Variants in RFTN1 observed in about 807,000 individuals in gnomAD.
RFTN1 encodes the protein raftlin, lipid raft linker 1, also known as raftlin.
Under a neutral mutation model 46.5 loss-of-function variants are expected in RFTN1, and 26 were observed. The observed-to-expected ratio is 0.56, with a 90% CI of 0.41 to 0.78. RFTN1 has a LOEUF of 0.78. Among genes scored for constraint, RFTN1 ranks in the 30% least tolerant of loss-of-function variants. RFTN1 has a pLI of 0.00. For synonymous variants in RFTN1, 261 were observed against 284.2 expected (o/e 0.92, Z 0.82); for missense variants, 693 against 718.7 (o/e 0.96, Z 0.41).
chr3:16,404,328 A>AAT (rs1421301252), intron 4 of RFTN1, among the ~76,000 whole-genome samples: 3 of 32,632 alleles, frequency 9.2e-5, no homozygotes, highest in African/African-American at 4.4e-4. Flanking sequence ...TATAATATAT[A>AAT]ATATATAATA....
Position 16,466,413 on chromosome 3 carries a change from C to T in RFTN1, c.145+27312G>A, listed in dbSNP as rs565286234. On this transcript the variant is annotated intron_variant, in intron 2 of 9. Transcript: ENST00000334133. This position sits in a 1 kb window ranked among gnomAD's most constrained non-coding sequence, Gnocchi z 5.6. Reference sequence around the variant, plus strand: ...AAATATTGCAAAAATTACCAAATTACGAAGTATGAAGTGACCTCCAACATC... The same window carrying T: ...AAATATTGCAAAAATTACCAAATTATGAAGTATGAAGTGACCTCCAACATC... Among the ~76,000 whole-genome samples, 7 of 152,156 alleles carry T rather than the reference C, an allele frequency of 4.6e-5. No homozygotes were observed. The highest frequency in any genetic ancestry group is 6.5e-5 in the Admixed American group (1 of 15,282).
intron 4 of RFTN1, among the ~76,000 whole-genome samples, chr3:16,397,688 G>A (rs1333153097): frequency 6.6e-6 from 1 of 152,070 alleles, no homozygotes; most frequent in Non-Finnish European, 1.5e-5. Flanking sequence ...TTTTTCCATG[G>A]TTGGTAGGTG....
chr3:16,384,864 G>A lies in RFTN1; in HGVS notation c.442-6762C>T, dbSNP rs1315043244. 2.0e-5 allele frequency among the ~76,000 whole-genome samples: 3 copies of A among 152,152 alleles called. No homozygotes were observed. The highest frequency in any genetic ancestry group is 1.9e-4 in the East Asian group (1 of 5,202). On this transcript the variant is annotated intron_variant, in intron 4 of 9. Transcript: ENST00000334133. This position sits in a 1 kb window ranked among gnomAD's most constrained non-coding sequence, Gnocchi z 4.7. ...AGTGATGACCCCATGGACAGTGCAGGTGTAGAACATATCCATCATCATAGA... is the reference window on the plus strand; with the variant it reads ...AGTGATGACCCCATGGACAGTGCAGATGTAGAACATATCCATCATCATAGA...
At position 16,317,595 on chromosome 3, in the gene RFTN1, G is replaced by A. The variant is rs1330768968; in HGVS notation, c.1333-363C>T. Among the ~76,000 whole-genome samples, 2 of 152,196 alleles carry A rather than the reference G, an allele frequency of 1.3e-5. No individual in the cohort carries two copies. The highest frequency in any genetic ancestry group is 4.8e-5 in the African/African-American group (2 of 41,452). On this transcript the variant is annotated intron_variant, in intron 9 of 9. Transcript: ENST00000334133. The surrounding 1 kb of genome is among the most constrained non-coding windows in gnomAD (Gnocchi z 4.3). Reference sequence around the variant, plus strand: ...GAGATGTGAGGCCTGCCCCCAGTAAGAGCCAGAGCTGCAGCTACTCATTTC... The same window carrying A: ...GAGATGTGAGGCCTGCCCCCAGTAAAAGCCAGAGCTGCAGCTACTCATTTC...
Position 16,512,425 on chromosome 3 carries a change from TAAAAAAGTAC to T in RFTN1, c.-9+1007_-9+1016del, listed in dbSNP as rs1559384584. ...CAGAGATTGAGCCAGACTTTTTTTT[TAAAAAAGTAC>T]TTCTTGTTTGTTTGTTTTAAGCCCC... is the stretch of plus-strand genomic sequence containing the variant. On this transcript the variant is annotated intron_variant, in intron 1 of 9. Transcript: ENST00000334133. This position sits in a 1 kb window ranked among gnomAD's most constrained non-coding sequence, Gnocchi z 4.3. Among the ~76,000 whole-genome samples the T allele has an allele frequency of 6.6e-6, 1 of 150,692 alleles. No homozygotes were observed.
In RFTN1 at chr3:16,384,394, C is replaced by T. The variant is rs952603636; in HGVS notation, c.442-6292G>A. 1.3e-5 allele frequency among the ~76,000 whole-genome samples: 2 copies of T among 152,220 alleles called. No individual in the cohort carries two copies. Among genetic ancestry groups the T allele is most frequent in the African/African-American group, 4.8e-5 (2 of 41,462 alleles). On this transcript the variant is annotated intron_variant, in intron 4 of 9. Transcript: ENST00000334133. The surrounding 1 kb of genome is among the most constrained non-coding windows in gnomAD (Gnocchi z 4.7). ...CTAGGCATGAAATAAAAGTTCGGTA[C>T]AGGCTCCCAAATGACAGTGAGCCCC...
rs1174316303 is a variant in RFTN1, at chr3:16,509,372, A to C, written c.-9+4070T>G. Among the ~76,000 whole-genome samples the C allele has an allele frequency of 6.6e-6, 1 of 152,152 alleles. No homozygotes were observed. The highest frequency in any genetic ancestry group is 1.9e-4 in the East Asian group (1 of 5,202). On this transcript the variant is annotated intron_variant, in intron 1 of 9. Transcript: ENST00000334133. This position sits in a 1 kb window ranked among gnomAD's most constrained non-coding sequence, Gnocchi z 4.9. ...CAGAATGTCACAGTCTCTTCCCTTAAGGTCTTAGAAAAATGAAAACGTGAA... is the reference window on the plus strand; with the variant it reads ...CAGAATGTCACAGTCTCTTCCCTTACGGTCTTAGAAAAATGAAAACGTGAA...
chr3:16,503,726 T>A (rs2076752205), intron 1 of RFTN1, among the ~76,000 whole-genome samples: 1 of 152,092 alleles, frequency 6.6e-6, no homozygotes, highest in South Asian at 2.1e-4. Context: ...CAGACACCCC[T>A]TCCCAGTCTC....
intron 7 of RFTN1, among the ~76,000 whole-genome samples, chr3:16,331,330 A>G (rs1314962344): frequency 6.6e-6 from 1 of 152,236 alleles, no homozygotes; most frequent in East Asian, 1.9e-4. Flanking sequence ...CATGGGAAAT[A>G]AAGGTTTAGT....
At chr3:16,377,668 T>C in intron 5 of RFTN1, 50 bp downstream of exon 5, 1 of 1,527,570 alleles carries the variant, frequency 6.5e-7, no homozygotes, top group Non-Finnish European at 8.8e-7. Context: ...AATGAAAAGC[T>C]GTTAGCTGCT....
intron 6 of RFTN1, among the ~76,000 whole-genome samples, chr3:16,364,375 C>G (rs971478721): frequency 6.6e-6 from 1 of 152,184 alleles, no homozygotes; most frequent in African/African-American, 2.4e-5. Context: ...AAGGGCCAAG[C>G]CAGATCTGAA....
chr3:16,433,370 T>C lies in RFTN1; in HGVS notation c.332+481A>G, dbSNP rs937023794. ...TTTTATTTAGGTGGTGTTTATTTTTTGTATTTTTTTAACTGTCAAGTGATT... is the reference window on the plus strand; with the variant it reads ...TTTTATTTAGGTGGTGTTTATTTTTCGTATTTTTTTAACTGTCAAGTGATT... On this transcript the variant is annotated intron_variant, in intron 3 of 9. Transcript: ENST00000334133. The surrounding 1 kb of genome is among the most constrained non-coding windows in gnomAD (Gnocchi z 4.4). Among the ~76,000 whole-genome samples, 1 of 152,212 alleles carries C rather than the reference T, an allele frequency of 6.6e-6. No individual in the cohort carries two copies. Among genetic ancestry groups the C allele is most frequent in the Non-Finnish European group, 1.5e-5 (1 of 68,032 alleles).
chr3:16,503,688 C>A (rs539169584), intron 1 of RFTN1, among the ~76,000 whole-genome samples: 1 of 152,124 alleles, frequency 6.6e-6, no homozygotes. Flanking sequence ...GTTCCACATC[C>A]CTCAATCTCT....
Position 16,322,682 on chromosome 3 carries a change from A to C in RFTN1, c.1332+694T>G, listed in dbSNP as rs370920831. ...ATCATCTGGCACAAGGGTTGCCGACACTTGCACCTCGTACAGCCCTTGTGC... is the reference window on the plus strand; with the variant it reads ...ATCATCTGGCACAAGGGTTGCCGACCCTTGCACCTCGTACAGCCCTTGTGC... On this transcript the variant is annotated intron_variant, in intron 9 of 9. Transcript: ENST00000334133. This position sits in a 1 kb window ranked among gnomAD's most constrained non-coding sequence, Gnocchi z 6.2. 1.1e-3 allele frequency among the ~76,000 whole-genome samples: 162 copies of C among 152,306 alleles called. 2 individuals are homozygous for C. The highest frequency in any genetic ancestry group is 3.6e-3 in the African/African-American group (150 of 41,572).
chr3:16,357,310 C>T (rs950666484), intron 7 of RFTN1, among the ~76,000 whole-genome samples: 1 of 152,140 alleles, frequency 6.6e-6, no homozygotes, highest in African/African-American at 2.4e-5. Context: ...AGTAAATTAG[C>T]TCCTCCAAAG....
rs1421315352 is a variant in RFTN1 at position 16,410,383 on chromosome 3, T to C, written c.333-900A>G. 1.3e-5 allele frequency among the ~76,000 whole-genome samples: 2 copies of C among 151,936 alleles called. No homozygotes were observed. Among genetic ancestry groups the C allele is most frequent in the South Asian group, 2.1e-4 (1 of 4,806 alleles). On this transcript the variant is annotated intron_variant, in intron 3 of 9. Coordinates refer to ENST00000334133, the MANE Select transcript of RFTN1 (RefSeq NM_015150.2). The surrounding 1 kb of genome is among the most constrained non-coding windows in gnomAD (Gnocchi z 4.6). ...ACCCCTGGGGAATGGGGAAGGCTTA[T>C]GTGGATGGGGATGGGGATGGGTGGT...
At chr3:16,339,539 G>A (rs965917142) in intron 7 of RFTN1, 1 of 152,146 alleles carries the variant, frequency 6.6e-6, no homozygotes, top group African/African-American at 2.4e-5. Context: ...CATAACAGAT[G>A]CGCTGCCGGG....
chr3:16,320,686 G>A lies in RFTN1; in HGVS notation c.1332+2690C>T, dbSNP rs764618498. Among the ~76,000 whole-genome samples, 40 of 152,208 alleles carry A rather than the reference G, an allele frequency of 2.6e-4. No individual in the cohort carries two copies. The highest frequency in any genetic ancestry group is 5.1e-4 in the Non-Finnish European group (35 of 68,038). ...GCACTGTTCTGAGAAAAGGATGCTC[G>A]AGTAGAGCTAGAAAGGAGGAGAATG... On this transcript the variant is annotated intron_variant, in intron 9 of 9. Transcript: ENST00000334133. This position sits in a 1 kb window ranked among gnomAD's most constrained non-coding sequence, Gnocchi z 4.5.
rs1250379541 is a variant in RFTN1, at chr3:16,442,946, A to C, written c.146-8909T>G. On this transcript the variant is annotated intron_variant, in intron 2 of 9. Transcript: ENST00000334133. This position sits in a 1 kb window ranked among gnomAD's most constrained non-coding sequence, Gnocchi z 4.1. The stretch of plus-strand genomic sequence containing the variant: ...TTAAGGCTGAATAATACTCCATTGC[A>C]TATATATACCATAGTTTATTTATCC... 4.6e-5 allele frequency among the ~76,000 whole-genome samples: 7 copies of C among 152,186 alleles called. No homozygotes were observed. The highest frequency in any genetic ancestry group is 7.3e-5 in the Non-Finnish European group (5 of 68,036).
Sources: allele counts gnomAD v4.1 joint callset (sites outside exome capture counted in the v4.1 genomes callset), GRCh38; gene constraint gnomAD v4.1.1; non-coding constraint Gnocchi (gnomAD v3.1); transcripts MANE v1.5; gene names NCBI Gene and HGNC (gene_info 2026-07-23, HGNC 2026-07-21).